The following PPM1H variants were observed in gnomAD, a reference collection of about 807,000 sequenced individuals.
The protein encoded by PPM1H is protein phosphatase 1H.
A neutral mutation model predicts 54.9 loss-of-function variants in PPM1H; 27 were observed. The observed-to-expected ratio is 0.49, with a 90% CI of 0.36 to 0.68. The LOEUF (loss-of-function observed/expected upper bound fraction) is 0.68, where lower values mean the gene tolerates loss of function less well. Ranked by LOEUF, PPM1H falls within the 30% of genes least tolerant of loss-of-function variation. PPM1H has a pLI of 0.00. For synonymous variants in PPM1H, 305 were observed against 270.8 expected (o/e 1.13, Z -1.24); for missense variants, 596 against 667.8 (o/e 0.89, Z 1.19).
chr12:62,676,833 C>A (rs955665629), intron 8 of PPM1H, among the ~76,000 whole-genome samples: 2 of 152,120 alleles, frequency 1.3e-5, no homozygotes, highest in African/African-American at 4.8e-5. Context: ...CAGCAGGAAG[C>A]ACACAGGTTC....
In PPM1H at chr12:62,721,185, C is replaced by T. The variant is rs2076261746; in HGVS notation, c.955-896G>A. Among the ~76,000 whole-genome samples the T allele has an allele frequency of 2.6e-5, 4 of 152,294 alleles. No individual in the cohort carries two copies. In the South Asian group the frequency reaches 8.3e-4, roughly 32 times the overall value. Reference sequence around the variant, plus strand: ...CTGCCACCAGGCAGATGGTCAGGTCCTCAGTGTATGGGTCATAGGCATCTC... The same window carrying T: ...CTGCCACCAGGCAGATGGTCAGGTCTTCAGTGTATGGGTCATAGGCATCTC... On this transcript the variant is annotated intron_variant, in intron 5 of 9. Transcript: ENST00000228705.
intron 1 of PPM1H, among the ~76,000 whole-genome samples, chr12:62,850,239 C>A (rs1592634665): frequency 6.6e-6 from 1 of 152,090 alleles, no homozygotes; most frequent in South Asian, 2.1e-4. Context: ...AGTGCTGGGA[C>A]TACAGGTGTG....
At chr12:62,659,920 G>T (rs969349016) in intron 9 of PPM1H, among the ~76,000 whole-genome samples, 1 of 152,112 alleles carries the variant, frequency 6.6e-6, no homozygotes, top group African/African-American at 2.4e-5. Flanking sequence ...ACCTCCTTTG[G>T]TCAGTTCCCT....
rs767359423 is a variant in PPM1H, at chr12:62,841,471, GTTA to G, written c.246-9195_246-9193del. The stretch of plus-strand genomic sequence containing the variant: ...GTGGTTTTCATACTATAATGGCAGA[GTTA>G]TTAGTAGTTGCAACAGGGACTATCT... On this transcript the variant is annotated intron_variant, in intron 1 of 9. Transcript: ENST00000228705. Among the ~76,000 whole-genome samples, 123 of 152,284 alleles carry G rather than the reference GTTA, an allele frequency of 8.1e-4. 2 individuals carry two copies. The highest frequency in any genetic ancestry group is 2.8e-4 in the Non-Finnish European group (19 of 68,024).
intron 1 of PPM1H, among the ~76,000 whole-genome samples, chr12:62,921,386 G>T (rs1871795226): frequency 6.6e-6 from 1 of 151,962 alleles, no homozygotes; most frequent in Non-Finnish European, 1.5e-5. Flanking sequence ...AAGCCACTTT[G>T]GTCCTCTCAG....
chr12:62,898,862 C>A (rs1479101715), intron 1 of PPM1H, among the ~76,000 whole-genome samples: 1 of 152,186 alleles, frequency 6.6e-6, no homozygotes, highest in African/African-American at 2.4e-5. Context: ...GTACCCTCTA[C>A]TCCTTACTGA....
chr12:62,742,955 T>C (rs995051855), intron 4 of PPM1H, among the ~76,000 whole-genome samples: 5 of 152,132 alleles, frequency 3.3e-5, no homozygotes, highest in African/African-American at 1.2e-4. Flanking sequence ...GTAAAATCGA[T>C]GGGGCGTTAT....
intron 4 of PPM1H, among the ~76,000 whole-genome samples, chr12:62,737,910 A>G (rs2076359490): frequency 6.6e-6 from 1 of 152,188 alleles, no homozygotes; most frequent in South Asian, 2.1e-4. Context: ...TGAATGAGTG[A>G]TGCAACAGAG....
rs925842242 is a variant in PPM1H, at chr12:62,808,199, C to T, written c.412-6039G>A. Among the ~76,000 whole-genome samples, 8 of 152,116 alleles carry T rather than the reference C, an allele frequency of 5.3e-5. No homozygotes were observed. In the East Asian group the frequency reaches 7.7e-4, roughly 15 times the overall value. ...TCTAAATGCTTTACAAATATGAACT[C>T]GTTTAATCCTTACTCCACTCCTCTG... On this transcript the variant is annotated intron_variant, in intron 2 of 9. Coordinates refer to ENST00000228705, the MANE Select transcript of PPM1H (RefSeq NM_020700.2).
At position 62,684,212 on chromosome 12, in the gene PPM1H, T is replaced by C. The variant is rs537790988; in HGVS notation, c.1245+5487A>G. Among the ~76,000 whole-genome samples, 15 of 152,092 alleles carry C rather than the reference T, an allele frequency of 9.9e-5. No homozygotes were observed. The South Asian group carries it at 1.7e-3, about 17-fold the overall frequency. ...TGTAGGCTAGAGGGGAGTCAAAACA[T>C]CCCCTACACTCAACCCACACCTCCA... On this transcript the variant is annotated intron_variant, in intron 8 of 9. Coordinates refer to ENST00000228705, the MANE Select transcript of PPM1H (RefSeq NM_020700.2).
At chr12:62,744,339 T>C (rs917930349) in intron 4 of PPM1H, among the ~76,000 whole-genome samples, 2 of 151,462 alleles carry the variant, frequency 1.3e-5, no homozygotes, top group African/African-American at 4.9e-5. Context: ...GGCGTGGTGG[T>C]GGGTGCCTAT....
intron 6 of PPM1H, among the ~76,000 whole-genome samples, chr12:62,703,379 T>C (rs1182686021): frequency 3.8e-5 from 5 of 129,954 alleles, no homozygotes; most frequent in African/African-American, 1.3e-4. Context: ...AAGGAGCCCT[T>C]TTTTTTTTTT....
chr12:62,900,420 A>G (rs765519825), intron 1 of PPM1H, among the ~76,000 whole-genome samples: 13 of 152,084 alleles, frequency 8.5e-5, no homozygotes, highest in Admixed American at 3.3e-4. Context: ...TAGTATTAGG[A>G]GATATACCTA....
chr12:62,879,971 T>C (rs1345768776), intron 1 of PPM1H, among the ~76,000 whole-genome samples: 4 of 152,106 alleles, frequency 2.6e-5, no homozygotes, highest in Non-Finnish European at 5.9e-5. Context: ...AAGTCATTTA[T>C]GCCACAGGCA....
chr12:62,844,477 T>C lies in PPM1H; in HGVS notation c.246-12198A>G, dbSNP rs907957882. Among the ~76,000 whole-genome samples the C allele has an allele frequency of 3.9e-5, 6 of 152,190 alleles. No homozygotes were observed. The highest frequency in any genetic ancestry group is 7.3e-5 in the Non-Finnish European group (5 of 68,034). On this transcript the variant is annotated intron_variant, in intron 1 of 9. Transcript: ENST00000228705. This position sits in a 1 kb window ranked among gnomAD's most constrained non-coding sequence, Gnocchi z 5.2. ...CATGATTCAGGCTACGTAGCCACATTCCCCTCAAGGCTCAAGATAACTTAA... is the reference window on the plus strand; with the variant it reads ...CATGATTCAGGCTACGTAGCCACATCCCCCTCAAGGCTCAAGATAACTTAA...
rs554126392 is a variant in PPM1H at position 62,810,437 on chromosome 12, T to C, written c.412-8277A>G. 8.7e-4 allele frequency among the ~76,000 whole-genome samples: 132 copies of C among 152,206 alleles called. 4 individuals carry two copies. The highest frequency in any genetic ancestry group is 1.5e-4 in the Non-Finnish European group (10 of 68,042). ...TACTTGATTTGCTGAGCCTCGTTCCTACATAACCAGTATGAAACTCACTGT... is the reference window on the plus strand; with the variant it reads ...TACTTGATTTGCTGAGCCTCGTTCCCACATAACCAGTATGAAACTCACTGT... On this transcript the variant is annotated intron_variant, in intron 2 of 9. Coordinates refer to ENST00000228705, the MANE Select transcript of PPM1H (RefSeq NM_020700.2).
chr12:62,670,095 A>T (rs1030637681), intron 8 of PPM1H, among the ~76,000 whole-genome samples: 3 of 142,112 alleles, frequency 2.1e-5, no homozygotes, highest in Admixed American at 1.6e-4. Context: ...CTCCTGCTTC[A>T]GCCTCCCTAG....
At chr12:62,818,395 G>A (rs589637) in intron 2 of PPM1H, among the ~76,000 whole-genome samples, 49,532 of 152,074 alleles carry the variant, frequency 0.33, 11,016 homozygotes, top group African/African-American at 0.63. Context: ...AAGGAAAGAA[G>A]AGCTAGCAAT....
chr12:62,789,006 A>T (rs1028956738), intron 3 of PPM1H, among the ~76,000 whole-genome samples: 1 of 151,796 alleles, frequency 6.6e-6, no homozygotes, highest in African/African-American at 2.4e-5. Flanking sequence ...GATTACAGGC[A>T]TGAGCCACTG....
Sources: allele counts gnomAD v4.1 joint callset (sites outside exome capture counted in the v4.1 genomes callset), GRCh38; gene constraint gnomAD v4.1.1; non-coding constraint Gnocchi (gnomAD v3.1); transcripts MANE v1.5; gene names NCBI Gene and HGNC (gene_info 2026-07-23, HGNC 2026-07-21).